Variants in OCA2 observed in about 807,000 individuals in gnomAD.
OCA2 encodes the protein OCA2 melanosomal transmembrane protein.
Under a neutral mutation model 100.2 loss-of-function variants are expected in OCA2, and 77 were observed. That is an observed-to-expected ratio of 0.77 (90% CI 0.64 to 0.93). OCA2 has a LOEUF of 0.93. Ranked by LOEUF, OCA2 falls within the 40% of genes least tolerant of loss-of-function variation. OCA2 has a pLI of 0.00. For synonymous variants in OCA2, 432 were observed against 439.2 expected (o/e 0.98, Z 0.21); for missense variants, 1,062 against 1,089.1 (o/e 0.98, Z 0.35).
intron 17 of OCA2, among the ~76,000 whole-genome samples, chr15:27,952,850 T>C (rs2040082343): frequency 6.6e-6 from 1 of 151,760 alleles, no homozygotes; most frequent in Non-Finnish European, 1.5e-5. Context: ...GCCCAGCTAG[T>C]TTTTGTATTT....
chr15:27,829,443 T>C (rs187710367), intron 23 of OCA2, among the ~76,000 whole-genome samples: 67 of 152,310 alleles, frequency 4.4e-4, no homozygotes, highest in Middle Eastern at 3.4e-3. Context: ...TTTCTAGACT[T>C]CCTTGCACCT....
At chr15:28,072,686 CAT>C (rs1290789816) in intron 2 of OCA2, among the ~76,000 whole-genome samples, 2 of 150,134 alleles carry the variant, frequency 1.3e-5, no homozygotes, top group Non-Finnish European at 3.0e-5. Flanking sequence ...GGTGAACAAA[CAT>C]ATGAAAAAGC....
intron 23 of OCA2, among the ~76,000 whole-genome samples, chr15:27,801,269 G>A (rs2033592213): frequency 2.0e-5 from 3 of 152,114 alleles, no homozygotes; most frequent in Admixed American, 2.0e-4. Flanking sequence ...GAATATATTA[G>A]AAGAATAGCA....
intron 23 of OCA2, among the ~76,000 whole-genome samples, chr15:27,768,877 A>T (rs1268156008): frequency 4.6e-5 from 7 of 152,166 alleles, no homozygotes; most frequent in African/African-American, 1.7e-4. Flanking sequence ...TCTGGGGCCG[A>T]GCCAGTTGCT....
downstream of OCA2, among the ~76,000 whole-genome samples, chr15:27,752,020 T>C (rs146263170): frequency 1.1e-3 from 167 of 152,342 alleles, no homozygotes; most frequent in Non-Finnish European, 1.8e-3. Flanking sequence ...CCAGCAGATC[T>C]GGAAGGCGCA....
chr15:27,923,753 T>A (rs1317329359), intron 19 of OCA2, among the ~76,000 whole-genome samples: 1 of 152,208 alleles, frequency 6.6e-6, no homozygotes, highest in Non-Finnish European at 1.5e-5. Flanking sequence ...TAGACTTTGG[T>A]TCCTATTAGA....
chr15:27,734,121 C>T, the OCA2 span, among the ~76,000 whole-genome samples: 5 of 148,820 alleles, frequency 3.4e-5, no homozygotes, highest in South Asian at 8.6e-4. Flanking sequence ...GCTTACACCA[C>T]TGCACTCCAG....
intron 23 of OCA2, among the ~76,000 whole-genome samples, chr15:27,827,451 G>A (rs539145870): frequency 1.8e-4 from 27 of 152,206 alleles, no homozygotes; most frequent in African/African-American, 6.3e-4. Context: ...ACAGAGTGCC[G>A]ACGGAGCTGG....
rs529695988 is a variant in OCA2, at chr15:28,028,049, T to C, written c.337A>G (p.Ile113Val). 3 of 1,614,212 alleles carry C rather than the reference T, an allele frequency of 1.9e-6. No homozygotes were observed. The highest frequency in any genetic ancestry group is 2.7e-5 in the African/African-American group (2 of 75,056). The change falls in exon 4 of 24, where the codon ATA (isoleucine) becomes GTA (valine). Residue 113 changes from isoleucine (I) to valine (V), a missense_variant. Physicochemically the swap from Ile to Val is conservative, Grantham distance 29. Coordinates refer to ENST00000354638, the MANE Select transcript of OCA2 (RefSeq NM_000275.3). Reference sequence around the variant, plus strand: ...ATGAACTCTGGATGGTAAACAGGTATGCACCGTGACCTGGAAAGCAAGAGA... The same window carrying C: ...ATGAACTCTGGATGGTAAACAGGTACGCACCGTGACCTGGAAAGCAAGAGA... ...NSLQEKGSRC[I>V]PVYHPEFITA...
rs148268664 is a variant in OCA2 at position 27,851,101 on chromosome 15, G to A, written c.2338+281C>T. The stretch of plus-strand genomic sequence containing the variant: ...AAAATCTGTTTCTAAACCTAAGCAC[G>A]ACCCACACAGGCACACGGCGGGAAC... On this transcript the variant is annotated intron_variant, in intron 22 of 23. Coordinates refer to ENST00000354638, the MANE Select transcript of OCA2 (RefSeq NM_000275.3). 2.8e-3 allele frequency among the ~76,000 whole-genome samples: 419 copies of A among 152,198 alleles called. 2 individuals are homozygous for A. The highest frequency in any genetic ancestry group is 9.6e-3 in the African/African-American group (400 of 41,512).
At chr15:28,073,452 T>C (rs1447083737) in intron 2 of OCA2, among the ~76,000 whole-genome samples, 4 of 152,116 alleles carry the variant, frequency 2.6e-5, no homozygotes, top group African/African-American at 9.7e-5. Context: ...TGCAGTAACA[T>C]AGATGGAGCT....
At chr15:28,019,136 A>G (rs947497413) in intron 6 of OCA2, among the ~76,000 whole-genome samples, 1 of 152,050 alleles carries the variant, frequency 6.6e-6, no homozygotes, top group Non-Finnish European at 1.5e-5. Context: ...AGTCTCCTCC[A>G]TGTCCTCTGA....
intron 2 of OCA2, among the ~76,000 whole-genome samples, chr15:28,051,032 G>A (rs1413528302): frequency 6.6e-6 from 1 of 152,214 alleles, no homozygotes; most frequent in Admixed American, 6.5e-5. Context: ...GACTTGGGTT[G>A]TGCCTGCCTC....
intron 18 of OCA2, among the ~76,000 whole-genome samples, chr15:27,937,349 T>C (rs1394080821): frequency 1.3e-5 from 2 of 152,222 alleles, no homozygotes; most frequent in Non-Finnish European, 2.9e-5. Context: ...CTATTATAAA[T>C]AGGCTGCTAT....
chr15:27,848,320 T>C (rs534898788), intron 22 of OCA2, among the ~76,000 whole-genome samples: 1 of 152,178 alleles, frequency 6.6e-6, no homozygotes, highest in African/African-American at 2.4e-5. Flanking sequence ...CCTGGGGTGG[T>C]TGTGGGGTTC....
At chr15:28,040,952 T>C (rs1055630387) in intron 2 of OCA2, among the ~76,000 whole-genome samples, 1 of 152,056 alleles carries the variant, frequency 6.6e-6, no homozygotes, top group African/African-American at 2.4e-5. Context: ...TTCCAGAAAA[T>C]TGAAAAGGAG....
intron 23 of OCA2, among the ~76,000 whole-genome samples, chr15:27,818,635 G>A (rs1334720175): frequency 6.6e-6 from 1 of 152,134 alleles, no homozygotes; most frequent in East Asian, 1.9e-4. Flanking sequence ...TGAATCAGGT[G>A]TGAGGATGCA....
chr15:28,077,689 G>A (rs973620544), intron 2 of OCA2, among the ~76,000 whole-genome samples: 3 of 152,180 alleles, frequency 2.0e-5, no homozygotes, highest in Non-Finnish European at 2.9e-5. Context: ...TGCGACTCAC[G>A]TCCCAATATA....
At chr15:27,801,550 CAAAAAAAAAAAA>C (rs34636608) in intron 23 of OCA2, among the ~76,000 whole-genome samples, 3 of 37,828 alleles carry the variant, frequency 7.9e-5, no homozygotes, top group Non-Finnish European at 1.2e-4. Flanking sequence ...GACTCGGTCT[CAAAAAAAAAAAA>C]AAAAAAAAAA....
Sources: gnomAD v4.1 joint callset for allele counts (sites outside exome capture counted in the v4.1 genomes callset) on GRCh38, gnomAD v4.1.1 for gene constraint, MANE v1.5 for transcripts, NCBI Gene and HGNC (gene_info 2026-07-23, HGNC 2026-07-21) for gene names.